The following MAN1A1 variants were observed in gnomAD, a reference collection of about 807,000 sequenced individuals.
MAN1A1 encodes the protein mannosidase alpha class 1A member 1, also known as mannosyl-oligosaccharide 1,2-alpha-mannosidase IA.
A neutral mutation model predicts 70.8 loss-of-function variants in MAN1A1; 29 were observed. The observed-to-expected ratio is 0.41, with a 90% CI of 0.31 to 0.56. The LOEUF is 0.56. Ranked by LOEUF, MAN1A1 falls within the 20% of genes least tolerant of loss-of-function variation. The pLI is 0.29. For synonymous variants in MAN1A1, 349 were observed against 330.1 expected (o/e 1.06, Z -0.62); for missense variants, 747 against 841.3 (o/e 0.89, Z 1.39).
At chr6:119,298,286 T>C (rs1250561184) in intron 4 of MAN1A1, among the ~76,000 whole-genome samples, 7 of 152,216 alleles carry the variant, frequency 4.6e-5, no homozygotes. Context: ...CCCCAGAACA[T>C]ATTATCCCAA....
intron 2 of MAN1A1, among the ~76,000 whole-genome samples, chr6:119,341,509 C>T (rs570128031): frequency 6.6e-6 from 1 of 152,278 alleles, no homozygotes; most frequent in African/African-American, 2.4e-5. Flanking sequence ...CTCAGGAAGT[C>T]ACAGCTCACA....
intron 3 of MAN1A1, among the ~76,000 whole-genome samples, chr6:119,303,568 C>T (rs1772451848): frequency 6.6e-6 from 1 of 152,166 alleles, no homozygotes; most frequent in Non-Finnish European, 1.5e-5. Flanking sequence ...CCACTATGCA[C>T]TCCTTCACCC....
intron 2 of MAN1A1, among the ~76,000 whole-genome samples, chr6:119,326,929 G>A (rs562967157): frequency 7.9e-5 from 12 of 152,194 alleles, no homozygotes; most frequent in Admixed American, 2.6e-4. Flanking sequence ...ACGTATGCAA[G>A]TGACTGTGCT....
rs559788359 is a variant in MAN1A1 at position 119,182,478 on chromosome 6, T to C, written c.1720-2051A>G. Among the ~76,000 whole-genome samples the C allele has an allele frequency of 2.6e-5, 4 of 152,208 alleles. No individual in the cohort carries two copies. In the South Asian group the frequency reaches 8.3e-4, roughly 32 times the overall value. ...CTGTTGTTTTCTCCTAGGAGTTTTA[T>C]GGTTTCAGGTCTTACATTTAAGTCT... On this transcript the variant is annotated intron_variant, in intron 11 of 12. Coordinates refer to ENST00000368468, the MANE Select transcript of MAN1A1 (RefSeq NM_005907.4).
intron 6 of MAN1A1, among the ~76,000 whole-genome samples, chr6:119,237,546 T>TCCTCTC (rs1049862060): frequency 4.6e-5 from 7 of 152,178 alleles, no homozygotes; most frequent in Non-Finnish European, 8.8e-5. Context: ...TCTTTTCTTC[T>TCCTCTC]CCTCTCCCTC....
intron 2 of MAN1A1, among the ~76,000 whole-genome samples, chr6:119,327,555 A>G (rs1199293895): frequency 6.6e-6 from 1 of 151,812 alleles, no homozygotes; most frequent in Non-Finnish European, 1.5e-5. Context: ...ATGTCTGGCT[A>G]ATTTTTGTAT....
Position 119,276,129 on chromosome 6 carries a change from T to C in MAN1A1, c.897+14554A>G, listed in dbSNP as rs536260256. On this transcript the variant is annotated intron_variant, in intron 5 of 12. Transcript: ENST00000368468. ...CTCTTAAGTTCCTCTCTTTAGAATG[T>C]TATTTCCTCCAAATCTTCCATGGTT... 7.9e-5 allele frequency among the ~76,000 whole-genome samples: 12 copies of C among 152,356 alleles called. No homozygotes were observed. The East Asian group carries it at 1.7e-3, about 22-fold the overall frequency.
intron 5 of MAN1A1, among the ~76,000 whole-genome samples, chr6:119,283,597 C>G (rs187059679): frequency 6.7e-6 from 1 of 150,122 alleles, no homozygotes; most frequent in East Asian, 2.0e-4. Flanking sequence ...CCAGGGAAGG[C>G]CTCGGAGGGG....
At chr6:119,250,365 G>C (rs1185848793) in intron 5 of MAN1A1, among the ~76,000 whole-genome samples, 1 of 152,212 alleles carries the variant, frequency 6.6e-6, no homozygotes, top group Non-Finnish European at 1.5e-5. Flanking sequence ...TCTCAGCTCA[G>C]CTTCTCCAAA....
chr6:119,249,368 T>A (rs1339046073), intron 5 of MAN1A1, among the ~76,000 whole-genome samples: 1 of 152,166 alleles, frequency 6.6e-6, no homozygotes, highest in African/African-American at 2.4e-5. Context: ...TTAGGAAGAT[T>A]AATTAGATGA....
intron 6 of MAN1A1, among the ~76,000 whole-genome samples, chr6:119,237,385 C>A (rs1774875714): frequency 6.6e-6 from 1 of 152,150 alleles, no homozygotes; most frequent in African/African-American, 2.4e-5. Flanking sequence ...TGGCTCACAC[C>A]TGTAATCCCT....
chr6:119,235,474 C>T (rs1774816602), intron 6 of MAN1A1, among the ~76,000 whole-genome samples: 1 of 152,164 alleles, frequency 6.6e-6, no homozygotes, highest in African/African-American at 2.4e-5. Context: ...CTCTTTAATT[C>T]TACGAAGACT....
At chr6:119,246,143 C>T (rs1179383934) in intron 6 of MAN1A1, among the ~76,000 whole-genome samples, 4 of 152,048 alleles carry the variant, frequency 2.6e-5, no homozygotes, top group Non-Finnish European at 5.9e-5. Context: ...GAGGCCAGTA[C>T]TAATTAAGCA....
intron 2 of MAN1A1, among the ~76,000 whole-genome samples, chr6:119,347,123 G>C (rs1773750356): frequency 6.6e-6 from 1 of 152,180 alleles, no homozygotes; most frequent in Non-Finnish European, 1.5e-5. Context: ...ATCTGCATAG[G>C]AAGGATGAAG....
At chr6:119,341,089 G>A (rs1230065216) in intron 2 of MAN1A1, among the ~76,000 whole-genome samples, 1 of 152,114 alleles carries the variant, frequency 6.6e-6, no homozygotes, top group Non-Finnish European at 1.5e-5. Context: ...GCAACTACCA[G>A]AGTATTCATG....
At chr6:119,338,280 A>G (rs1208501764) in intron 2 of MAN1A1, among the ~76,000 whole-genome samples, 2 of 152,138 alleles carry the variant, frequency 1.3e-5, no homozygotes, top group Non-Finnish European at 2.9e-5. Flanking sequence ...TGAAATATGC[A>G]GCTCTTCACT....
At chr6:119,238,852 G>C (rs888988244) in intron 6 of MAN1A1, among the ~76,000 whole-genome samples, 1 of 152,134 alleles carries the variant, frequency 6.6e-6, no homozygotes, top group Admixed American at 6.5e-5. Context: ...GGCAACATGA[G>C]CATTCACATA....
At chr6:119,241,165 C>G (rs970421228) in intron 6 of MAN1A1, among the ~76,000 whole-genome samples, 1 of 151,840 alleles carries the variant, frequency 6.6e-6, no homozygotes, top group African/African-American at 2.4e-5. Context: ...AAAAAAAGTA[C>G]AAGGGGAAAA....
In MAN1A1 at chr6:119,189,752, A is replaced by T; in HGVS notation, c.1458T>A (p.Ala486=). The part of the protein sequence containing the change: ...CFAGGMFALG[A]DAAPEGMAQH... The stretch of plus-strand genomic sequence containing the variant: ...GGGCCATGCCTTCGGGAGCTGCATC[A>T]GCCCCGAGTGCGAACATGCCCCCCG... The change falls in exon 10 of 13, where the codon GCT becomes GCA. Residue 486 remains alanine, a synonymous_variant. Transcript: ENST00000368468. The T allele has an allele frequency of 6.2e-7, 1 of 1,614,128 alleles. No homozygotes were observed. The highest frequency in any genetic ancestry group is 1.7e-5 in the Admixed American group (1 of 60,014).
Sources: allele counts gnomAD v4.1 joint callset (sites outside exome capture counted in the v4.1 genomes callset), GRCh38; gene constraint gnomAD v4.1.1; transcripts MANE v1.5; gene names NCBI Gene and HGNC (gene_info 2026-07-23, HGNC 2026-07-21).